SLC22A23: variants seen among roughly 807,000 people sequenced by gnomAD.
The protein encoded by SLC22A23 is solute carrier family 22 member 23.
SLC22A23 carries 26 observed loss-of-function variants against 61.0 expected under a neutral mutation model. The observed-to-expected ratio is 0.43, with a 90% CI of 0.31 to 0.59. The LOEUF (loss-of-function observed/expected upper bound fraction) is 0.59, where lower values mean the gene tolerates loss of function less well. SLC22A23 is among the 20% of genes least tolerant of loss of function. The pLI, the probability that SLC22A23 is intolerant of heterozygous loss-of-function variation, is 0.11. For synonymous variants in SLC22A23, 430 were observed against 413.9 expected (o/e 1.04, Z -0.47); for missense variants, 796 against 934.7 (o/e 0.85, Z 1.94).
Position 3,286,818 on chromosome 6 carries a change from C to G in SLC22A23, c.1546+41G>C. The G allele has an allele frequency of 6.6e-7, 1 of 1,516,160 alleles. No homozygotes were observed. The highest frequency in any genetic ancestry group is 1.2e-5 in the South Asian group (1 of 83,786). The allele number at this position is 1,516,160 out of a possible 1,614,324, so 93.9% of individuals were successfully genotyped here. A position where few individuals can be genotyped will look rare whatever the true frequency, so the allele number is the denominator to read the frequency against. On this transcript the variant is annotated intron_variant, in intron 7 of 9. Coordinates refer to ENST00000406686, the MANE Select transcript of SLC22A23 (RefSeq NM_015482.2). This position sits in a 1 kb window ranked among gnomAD's most constrained non-coding sequence, Gnocchi z 4.2. ...TCAAATGCCCTTGGGGATCTGCCAG[C>G]TTCCCTCCCTGCACCCAGCCCACCT...
rs1223595203 is a variant in SLC22A23, at chr6:3,411,146, A to ACC, written c.759-805_759-804insGG. ...TAGAGGGTGGTCCACAAGAATGGGG[A>ACC]AGTCACCAGTTCCTGTGGCCCCATG... On this transcript the variant is annotated intron_variant, in intron 2 of 9. Transcript: ENST00000406686. Among the ~76,000 whole-genome samples the ACC allele has an allele frequency of 1.2e-3, 187 of 152,274 alleles. 2 individuals carry two copies. The highest frequency in any genetic ancestry group is 4.4e-3 in the African/African-American group (181 of 41,550).
Position 3,324,255 on chromosome 6 carries a change from G to A in SLC22A23, c.914-253C>T, listed in dbSNP as rs536374876. ...TGACGAAGGGATGCTATAATTCAGA[G>A]GAGCTTAGCTCAGAAACCAGGAAAT... On this transcript the variant is annotated intron_variant, in intron 3 of 9. Transcript: ENST00000406686. The surrounding 1 kb of genome is among the most constrained non-coding windows in gnomAD (Gnocchi z 4.3). 6.0e-6 allele frequency: 3 copies of A among 504,034 alleles called. No homozygotes were observed. Among genetic ancestry groups the A allele is most frequent in the Non-Finnish European group, 1.1e-5 (3 of 280,958 alleles). The allele number at this position is 504,034 out of a possible 1,614,324, so 31.2% of individuals were successfully genotyped here.
intron 1 of SLC22A23, among the ~76,000 whole-genome samples, chr6:3,419,545 G>A (rs548646821): frequency 6.6e-6 from 1 of 152,318 alleles, no homozygotes; most frequent in East Asian, 1.9e-4. Flanking sequence ...AGGAAGGGAG[G>A]CATCCATTTT....
At chr6:3,320,823 A>G (rs1762906223) in intron 4 of SLC22A23, among the ~76,000 whole-genome samples, 1 of 152,212 alleles carries the variant, frequency 6.6e-6, no homozygotes, top group African/African-American at 2.4e-5. Context: ...AGAGGATGCA[A>G]TAATAACAAT....
At chr6:3,411,590 G>T (rs922162481) in intron 2 of SLC22A23, among the ~76,000 whole-genome samples, 1 of 151,808 alleles carries the variant, frequency 6.6e-6, no homozygotes, top group Non-Finnish European at 1.5e-5. Flanking sequence ...ACTTAAAATG[G>T]GTGGGTTTTA....
intron 2 of SLC22A23, among the ~76,000 whole-genome samples, chr6:3,413,260 T>A (rs1325731152): frequency 6.6e-6 from 1 of 151,772 alleles, no homozygotes; most frequent in East Asian, 1.9e-4. Flanking sequence ...GAGAAAGAGG[T>A]GCTGTGTGGA....
In SLC22A23 at chr6:3,445,727, C is replaced by T. The variant is rs184131330; in HGVS notation, c.654+10179G>A. On this transcript the variant is annotated intron_variant, in intron 1 of 9. Transcript: ENST00000406686. ...GGCTGAAGGAAGGAGGGAAGGGGCT[C>T]GAGCAAGTGGAATAGCATGAGCAAG... Among the ~76,000 whole-genome samples the T allele has an allele frequency of 2.0e-3, 300 of 151,994 alleles. 7 individuals carry two copies. Among genetic ancestry groups the T allele is most frequent in the Admixed American group, 0.019 (297 of 15,254 alleles).
chr6:3,422,021 C>T (rs1770173751), intron 1 of SLC22A23, among the ~76,000 whole-genome samples: 1 of 152,170 alleles, frequency 6.6e-6, no homozygotes, highest in Non-Finnish European at 1.5e-5. Flanking sequence ...TGAAATTGTT[C>T]TATCAGCAAA....
Position 3,372,401 on chromosome 6 carries a change from G to C in SLC22A23, c.913+37787C>G, listed in dbSNP as rs1766279749. 1.3e-5 allele frequency among the ~76,000 whole-genome samples: 2 copies of C among 152,260 alleles called. No homozygotes were observed. Among genetic ancestry groups the C allele is most frequent in the African/African-American group, 4.8e-5 (2 of 41,456 alleles). On this transcript the variant is annotated intron_variant, in intron 3 of 9. Coordinates refer to ENST00000406686, the MANE Select transcript of SLC22A23 (RefSeq NM_015482.2). This position sits in a 1 kb window ranked among gnomAD's most constrained non-coding sequence, Gnocchi z 4.7. ...CCTCCTGCTGGCTGTGCTGGGAAGG[G>C]GGGATGGGCGTGGCTGCTGACAGCA... is the stretch of plus-strand genomic sequence containing the variant.
chr6:3,451,360 C>A (rs575844926), intron 1 of SLC22A23, among the ~76,000 whole-genome samples: 1 of 152,168 alleles, frequency 6.6e-6, no homozygotes, highest in Admixed American at 6.5e-5. Context: ...CCACGCCCAG[C>A]TAATTTTTCT....
Position 3,372,270 on chromosome 6 carries a change from T to C in SLC22A23, c.913+37918A>G, listed in dbSNP as rs1032870114. ...AACACCATCGGGCCAGTAAATCTTG[T>C]CCATCTAGTGTTTCAAAGTAGGGTA... is the stretch of plus-strand genomic sequence containing the variant. On this transcript the variant is annotated intron_variant, in intron 3 of 9. Transcript: ENST00000406686. The surrounding 1 kb of genome is among the most constrained non-coding windows in gnomAD (Gnocchi z 4.7). 1.3e-5 allele frequency among the ~76,000 whole-genome samples: 2 copies of C among 152,186 alleles called. No homozygotes were observed. The highest frequency in any genetic ancestry group is 2.9e-5 in the Non-Finnish European group (2 of 68,026).
In SLC22A23 at chr6:3,333,534, C is replaced by T. The variant is rs922818870; in HGVS notation, c.914-9532G>A. ...CCTCTAACCCAGCAAGCACACCCCCCTTCTGGGCTGTGCACTCCCCGTCTG... is the reference window on the plus strand; with the variant it reads ...CCTCTAACCCAGCAAGCACACCCCCTTTCTGGGCTGTGCACTCCCCGTCTG... On this transcript the variant is annotated intron_variant, in intron 3 of 9. Transcript: ENST00000406686. This position sits in a 1 kb window ranked among gnomAD's most constrained non-coding sequence, Gnocchi z 4.1. 6.6e-6 allele frequency among the ~76,000 whole-genome samples: 1 copy of T among 152,196 alleles called. No homozygotes were observed. Among genetic ancestry groups the T allele is most frequent in the Non-Finnish European group, 1.5e-5 (1 of 68,034 alleles).
At chr6:3,292,282 T>A (rs1760671475) in intron 5 of SLC22A23, among the ~76,000 whole-genome samples, 1 of 152,248 alleles carries the variant, frequency 6.6e-6, no homozygotes, top group Non-Finnish European at 1.5e-5. Flanking sequence ...CAGCGCTCTA[T>A]GTTATAGGAC....
chr6:3,286,761 T>C lies in SLC22A23; in HGVS notation c.1546+98A>G, dbSNP rs1341302076. On this transcript the variant is annotated intron_variant, in intron 7 of 9. Transcript: ENST00000406686. This position sits in a 1 kb window ranked among gnomAD's most constrained non-coding sequence, Gnocchi z 4.2. ...AGCAGCTCCTTCCAGCAGTAGATTTTAGAGTGGCCAGCGGAGTCTTATGCA... is the reference window on the plus strand; with the variant it reads ...AGCAGCTCCTTCCAGCAGTAGATTTCAGAGTGGCCAGCGGAGTCTTATGCA... The C allele has an allele frequency of 2.9e-6, 3 of 1,048,364 alleles. No homozygotes were observed. The highest frequency in any genetic ancestry group is 4.2e-6 in the Non-Finnish European group (3 of 712,416). The allele number at this position is 1,048,364 out of a possible 1,614,324, so 64.9% of individuals were successfully genotyped here. A position where few individuals can be genotyped will look rare whatever the true frequency, so the allele number is the denominator to read the frequency against.
rs1761815070 is a variant in SLC22A23, at chr6:3,304,241, C to T, written c.1083-6023G>A. On this transcript the variant is annotated intron_variant, in intron 4 of 9. Transcript: ENST00000406686. The surrounding 1 kb of genome is among the most constrained non-coding windows in gnomAD (Gnocchi z 4.3). ...TGCAAGGGCAGACAGGGCTCTGAGA[C>T]TCTGCCTGCTCCTCAGTGATCACTC... Among the ~76,000 whole-genome samples, 1 of 152,204 alleles carries T rather than the reference C, an allele frequency of 6.6e-6. No individual in the cohort carries two copies. Among genetic ancestry groups the T allele is most frequent in the Admixed American group, 6.5e-5 (1 of 15,286 alleles).
chr6:3,455,635 C>G (rs1772360852), intron 1 of SLC22A23, among the ~76,000 whole-genome samples: 3 of 152,248 alleles, frequency 2.0e-5, no homozygotes, highest in South Asian at 4.1e-4. Context: ...GACAGGTCAG[C>G]TGCCTCGCCC....
At chr6:3,321,391 C>T (rs1238949786) in intron 4 of SLC22A23, among the ~76,000 whole-genome samples, 3 of 151,252 alleles carry the variant, frequency 2.0e-5, no homozygotes, top group East Asian at 2.0e-4. Context: ...CACATGCACA[C>T]ACGTACACAT....
At chr6:3,321,855 G>A (rs1266616890) in intron 4 of SLC22A23, among the ~76,000 whole-genome samples, 1 of 152,228 alleles carries the variant, frequency 6.6e-6, no homozygotes, top group Non-Finnish European at 1.5e-5. Context: ...AGAATCTGCT[G>A]GGGTAGGGAC....
chr6:3,442,816 TA>T lies in SLC22A23; in HGVS notation c.654+13089del, dbSNP rs34874884. Among the ~76,000 whole-genome samples the T allele has an allele frequency of 7.6e-3, 1,123 of 147,072 alleles. 16 individuals carry two copies. The highest frequency in any genetic ancestry group is 0.024 in the African/African-American group (976 of 40,126). On this transcript the variant is annotated intron_variant, in intron 1 of 9. Coordinates refer to ENST00000406686, the MANE Select transcript of SLC22A23 (RefSeq NM_015482.2). Reference sequence around the variant, plus strand: ...GATTGACCCTCCTCCCCACTTTATTTAAAAAAAAAAAACACCTGATAAACAC... The same window carrying T: ...GATTGACCCTCCTCCCCACTTTATTTAAAAAAAAAAACACCTGATAAACAC...
Sources: gnomAD v4.1 joint callset for allele counts (sites outside exome capture counted in the v4.1 genomes callset) on GRCh38, gnomAD v4.1.1 for gene constraint, Gnocchi (gnomAD v3.1) non-coding constraint, MANE v1.5 for transcripts, NCBI Gene and HGNC (gene_info 2026-07-23, HGNC 2026-07-21) for gene names.